Variants in BLMH observed in about 807,000 individuals in gnomAD.
The protein encoded by BLMH is bleomycin hydrolase, also known as BLM hydrolase.
BLMH carries 32 observed loss-of-function variants against 61.6 expected under a neutral mutation model. The ratio of observed to expected loss-of-function variants is 0.52; its 90% confidence interval spans 0.39 to 0.70. BLMH has a LOEUF of 0.70. Among genes scored for constraint, BLMH ranks in the 30% least tolerant of loss-of-function variants. BLMH has a pLI of 0.00. For synonymous variants in BLMH, 183 were observed against 193.8 expected, an observed-to-expected ratio of 0.94 and a Z score of 0.46; for missense variants, 460 against 555.5, an observed-to-expected ratio of 0.83 and a Z score of 1.73.
chr17:30,277,798 T>C (rs1460395603), intron 6 of BLMH, among the ~76,000 whole-genome samples: 1 of 152,256 alleles, frequency 6.6e-6, no homozygotes, highest in Non-Finnish European at 1.5e-5. Flanking sequence ...AGAGGAAATA[T>C]GCATTTCTGC....
At chr17:30,287,729 A>G in intron 4 of BLMH, 77 bp downstream of exon 4, 2 of 1,536,640 alleles carry the variant, frequency 1.3e-6, no homozygotes, top group East Asian at 4.5e-5. Context: ...CACAACCACC[A>G]AAGAATTGGC....
chr17:30,278,059 AAT>A (rs1406410643), intron 6 of BLMH, among the ~76,000 whole-genome samples: 1 of 152,198 alleles, frequency 6.6e-6, no homozygotes, highest in Admixed American at 6.5e-5. Flanking sequence ...CTTTGGAAGG[AAT>A]ATCTGACTCT....
rs1394015855 is a variant in BLMH at position 30,289,473 on chromosome 17, C to T, written c.221G>A (p.Trp74Ter). Residue 74 changes from tryptophan to a stop codon, truncating the protein, a stop_gained, in exon 3 of 12, where the codon TGG (tryptophan) becomes TAG (stop). Transcript: ENST00000261714. LOFTEE classifies it high-confidence loss of function. Reference protein sequence around the residue: ...ITNQKSSGRCWIFSCLNVMRL... With the variant: ...ITNQKSSGRC ...CATAACATTCAGACAAGAAAAGATC[C>T]AGCATCGCCCTGAAACAAGAAAGCA... 1.9e-6 allele frequency: 3 copies of T among 1,608,170 alleles called. No homozygotes were observed. The highest frequency in any genetic ancestry group is 2.7e-5 in the African/African-American group (2 of 74,678).
chr17:30,268,157 T>A (rs1211169888), intron 10 of BLMH, among the ~76,000 whole-genome samples: 4 of 152,240 alleles, frequency 2.6e-5, no homozygotes, highest in Admixed American at 6.5e-5. Context: ...CCAACTTTAC[T>A]TTCCTTTTAA....
chr17:30,278,877 G>C (rs1487958313), intron 6 of BLMH, among the ~76,000 whole-genome samples: 1 of 152,206 alleles, frequency 6.6e-6, no homozygotes, highest in African/African-American at 2.4e-5. Flanking sequence ...TGCCATGTTG[G>C]CCAGGCTGGT....
intron 2 of BLMH, 97 bp downstream of exon 2, chr17:30,291,214 C>T: frequency 2.1e-6 from 3 of 1,429,216 alleles, no homozygotes; most frequent in East Asian, 2.3e-5. Flanking sequence ...ACGACCAGTT[C>T]TTTCAGTACG....
intron 11 of BLMH, chr17:30,249,458 A>C: frequency 3.1e-6 from 1 of 322,304 alleles, no homozygotes; most frequent in East Asian, 7.3e-5. Context: ...CTAACACCAG[A>C]TCCTGTACTG....
Position 30,289,467 on chromosome 17 carries a change from A to G in BLMH, c.227T>C (p.Phe76Ser). ...NQKSSGRCWI[F>S]SCLNVMRLPF... The stretch of plus-strand genomic sequence containing the variant: ...AAGCCTCATAACATTCAGACAAGAA[A>G]AGATCCAGCATCGCCCTGAAACAAG... The change falls in exon 3 of 12, where the codon TTT becomes TCT. Residue 76 changes from phenylalanine (F) to serine (S), a missense_variant. By Grantham distance (155) the Phe-to-Ser change is radical (BLOSUM62 -2). Transcript: ENST00000261714. 1 of 1,611,156 alleles carries G rather than the reference A, an allele frequency of 6.2e-7. No individual in the cohort carries two copies.
chr17:30,256,243 A>ATATTGGTTG (rs1907811282), intron 11 of BLMH, among the ~76,000 whole-genome samples: 1 of 151,390 alleles, frequency 6.6e-6, no homozygotes. Context: ...GTTACAGTAC[A>ATATTGGTTG]CTCTATATTT....
At chr17:30,258,062 G>A (rs532872867) in intron 11 of BLMH, among the ~76,000 whole-genome samples, 1 of 151,942 alleles carries the variant, frequency 6.6e-6, no homozygotes, top group East Asian at 1.9e-4. Context: ...TGAACTCCTG[G>A]GCCCAAACGA....
intron 11 of BLMH, among the ~76,000 whole-genome samples, chr17:30,260,678 G>A (rs1335714713): frequency 9.9e-5 from 15 of 152,052 alleles, no homozygotes; most frequent in Admixed American, 7.2e-4. Context: ...TCTGGAGTTC[G>A]AGACCAGCCT....
chr17:30,250,440 T>C (rs1044227200), intron 11 of BLMH, among the ~76,000 whole-genome samples: 11 of 151,892 alleles, frequency 7.2e-5, no homozygotes, highest in African/African-American at 2.4e-5. Flanking sequence ...AGGACATGAA[T>C]AGACAATCTG....
At chr17:30,266,523 C>CAAA (rs770078465) in intron 11 of BLMH, among the ~76,000 whole-genome samples, 1 of 53,068 alleles carries the variant, frequency 1.9e-5, no homozygotes, top group Non-Finnish European at 4.3e-5. Flanking sequence ...AGACTCTGTC[C>CAAA]AAAAAAAAAA....
At chr17:30,271,236 T>A (rs372886708) in intron 10 of BLMH, 35 bp downstream of exon 10, 3 of 1,429,708 alleles carry the variant, frequency 2.1e-6, no homozygotes, top group Non-Finnish European at 3.0e-6. Flanking sequence ...GATCCATCTG[T>A]GCAAACACTC....
chr17:30,272,905 A>G lies in BLMH; in HGVS notation c.802-6T>C. The G allele has an allele frequency of 1.9e-6, 3 of 1,613,578 alleles. No homozygotes were observed. Among genetic ancestry groups the G allele is most frequent in the Non-Finnish European group, 2.5e-6 (3 of 1,179,826 alleles). On this transcript the variant is annotated splice_polypyrimidine_tract_variant and splice_region_variant and intron_variant, in intron 7 of 11. Coordinates refer to ENST00000261714, the MANE Select transcript of BLMH (RefSeq NM_000386.4). ...GGGTCATTCACTAAACAAATCTATC[A>G]AGATCAAGAACACATTAATTAGGGC...
chr17:30,281,719 T>C (rs958444721), intron 6 of BLMH, among the ~76,000 whole-genome samples: 7 of 152,180 alleles, frequency 4.6e-5, no homozygotes, highest in Admixed American at 2.0e-4. Context: ...CAAGCTGGAG[T>C]GCAGTGGTGA....
intron 11 of BLMH, among the ~76,000 whole-genome samples, chr17:30,266,406 C>G (rs1455502673): frequency 6.6e-6 from 1 of 151,164 alleles, no homozygotes; most frequent in African/African-American, 2.4e-5. Context: ...GTGCCTGCAG[C>G]CCCAGCTACT....
At chr17:30,264,447 G>A (rs1477103383) in intron 11 of BLMH, among the ~76,000 whole-genome samples, 3 of 152,100 alleles carry the variant, frequency 2.0e-5, no homozygotes, top group Non-Finnish European at 4.4e-5. Context: ...AAAGTAAAGA[G>A]GTAAAGCTAA....
At chr17:30,270,425 C>A (rs1212584890) in intron 10 of BLMH, among the ~76,000 whole-genome samples, 2 of 136,042 alleles carry the variant, frequency 1.5e-5, no homozygotes, top group Admixed American at 1.4e-4. Context: ...TCTTTTGAGC[C>A]CCAGAGGTGG....
Sources: allele counts gnomAD v4.1 joint callset (sites outside exome capture counted in the v4.1 genomes callset), GRCh38; gene constraint gnomAD v4.1.1; transcripts MANE v1.5; gene names NCBI Gene and HGNC (gene_info 2026-07-23, HGNC 2026-07-21).